Variants in PCNT observed in about 807,000 individuals in gnomAD.
PCNT encodes the protein pericentrin, also known as kendrin.
PCNT carries 319 observed loss-of-function variants against 380.4 expected under a neutral mutation model. The observed-to-expected ratio is 0.84, with a 90% CI of 0.77 to 0.92. The LOEUF (loss-of-function observed/expected upper bound fraction) is 0.92, where lower values mean the gene tolerates loss of function less well. PCNT is among the 40% of genes least tolerant of loss of function. The pLI is 0.00. For missense variants in PCNT, 4,400 were observed against 4,255.3 expected (o/e 1.03, Z -0.95); for synonymous variants, 1,845 against 1,735.2 (o/e 1.06, Z -1.57).
intron 38 of PCNT, among the ~76,000 whole-genome samples, chr21:46,433,622 C>T (rs534040557): frequency 6.6e-6 from 1 of 152,102 alleles, no homozygotes; most frequent in African/African-American, 2.4e-5. Flanking sequence ...CCTGAAACCA[C>T]GCCTGAAGTT....
At chr21:46,383,897 GGC>G (rs2085705789) in intron 16 of PCNT, among the ~76,000 whole-genome samples, 3 of 142,028 alleles carry the variant, frequency 2.1e-5, no homozygotes, top group African/African-American at 7.8e-5. Flanking sequence ...TGCATTCAGT[GGC>G]AGAAGCGCAT....
intron 27 of PCNT, among the ~76,000 whole-genome samples, chr21:46,408,719 GTTT>G (rs34814770): frequency 3.6e-5 from 4 of 110,558 alleles, no homozygotes; most frequent in Non-Finnish European, 7.3e-5. Context: ...CTTTCAGAAA[GTTT>G]TTTTTTTTTT....
chr21:46,379,768 C>T (rs1190485533), intron 15 of PCNT, among the ~76,000 whole-genome samples: 1 of 152,174 alleles, frequency 6.6e-6, no homozygotes, highest in Admixed American at 6.5e-5. Context: ...TTTTCAGCTC[C>T]AGATGTCAAG....
At position 46,416,105 on chromosome 21, in the gene PCNT, A is replaced by C. The variant is rs745521112; in HGVS notation, c.6187A>C (p.Lys2063Gln). 1 of 1,614,120 alleles carries C rather than the reference A, an allele frequency of 6.2e-7. No homozygotes were observed. The highest frequency in any genetic ancestry group is 1.1e-5 in the South Asian group (1 of 91,072). ...EKVLEDCQLP[K>Q]VDLVAQVKQL... The stretch of plus-strand genomic sequence containing the variant: ...AGTACTGGAAGATTGTCAGCTGCCG[A>C]AGGTCGATCTCGTAGCTCAGGTGAA... The change falls in exon 30 of 47, where the codon AAG becomes CAG. Residue 2063 changes from lysine to glutamine, a missense_variant. Transcript: ENST00000359568.
At chr21:46,356,265 G>A (rs1000715914) in intron 12 of PCNT, among the ~76,000 whole-genome samples, 2 of 152,194 alleles carry the variant, frequency 1.3e-5, no homozygotes, top group African/African-American at 4.8e-5. Flanking sequence ...GAGGTGTGTG[G>A]TCTGACTCCA....
At chr21:46,376,368 A>T (rs2085332552) in intron 15 of PCNT, among the ~76,000 whole-genome samples, 1 of 152,218 alleles carries the variant, frequency 6.6e-6, no homozygotes, top group African/African-American at 2.4e-5. Flanking sequence ...CACTGATTTC[A>T]GCCTTGGACT....
intron 31 of PCNT, among the ~76,000 whole-genome samples, chr21:46,420,248 T>C (rs985907212): frequency 7.9e-5 from 12 of 152,328 alleles, no homozygotes; most frequent in African/African-American, 2.9e-4. Context: ...TTTTCTCTCT[T>C]CTTTTTGTAA....
At chr21:46,392,911 A>G (rs916345758) in intron 21 of PCNT, among the ~76,000 whole-genome samples, 2 of 151,506 alleles carry the variant, frequency 1.3e-5, no homozygotes, top group African/African-American at 4.9e-5. Context: ...CTTTTTTAAT[A>G]CTCTGTTTTA....
intron 1 of PCNT, among the ~76,000 whole-genome samples, chr21:46,326,128 A>T (rs2083388000): frequency 6.6e-6 from 1 of 152,234 alleles, no homozygotes; most frequent in South Asian, 2.1e-4. Flanking sequence ...GGGCTAGGAA[A>T]GCTATTCTGC....
intron 31 of PCNT, among the ~76,000 whole-genome samples, chr21:46,419,969 G>C (rs545559672): frequency 6.6e-6 from 1 of 152,358 alleles, no homozygotes; most frequent in South Asian, 2.1e-4. Flanking sequence ...TCTGGTAGGT[G>C]CTTGTTTTTG....
chr21:46,366,287 G>T lies in PCNT; in HGVS notation c.2610-297G>T, dbSNP rs115674777. On this transcript the variant is annotated intron_variant, in intron 14 of 46. Coordinates refer to ENST00000359568, the MANE Select transcript of PCNT (RefSeq NM_006031.6). ...GCCTGCCGTGCGTGGCTCTGGCGGG[G>T]ATGTGTGTGTGCCATCTCTTGCTGA... Among the ~76,000 whole-genome samples, 744 of 152,252 alleles carry T rather than the reference G, an allele frequency of 4.9e-3. 10 individuals carry two copies. Among genetic ancestry groups the T allele is most frequent in the African/African-American group, 0.017 (705 of 41,534 alleles).
At chr21:46,433,673 AT>A (rs938197131) in intron 38 of PCNT, among the ~76,000 whole-genome samples, 17 of 152,316 alleles carry the variant, frequency 1.1e-4, no homozygotes, top group African/African-American at 4.1e-4. Context: ...CTTAAAAAAA[AT>A]AGTAACATGA....
intron 12 of PCNT, among the ~76,000 whole-genome samples, chr21:46,356,306 T>A (rs1295981875): frequency 1.3e-5 from 2 of 152,158 alleles, no homozygotes; most frequent in African/African-American, 4.8e-5. Context: ...GAGAGAAGCC[T>A]GGGCCTGCCT....
At chr21:46,381,940 T>C (rs2085559819) in intron 16 of PCNT, 100 bp downstream of exon 16, 1 of 1,270,028 alleles carries the variant, frequency 7.9e-7, no homozygotes, top group Non-Finnish European at 1.1e-6. Flanking sequence ...AGTGCACTCA[T>C]GGTGTTGTGC....
chr21:46,350,036 A>G (rs900031928), intron 8 of PCNT, among the ~76,000 whole-genome samples: 6 of 152,096 alleles, frequency 3.9e-5, no homozygotes, highest in African/African-American at 1.2e-4. Context: ...AAAATTAGCC[A>G]GGCATGGTGG....
chr21:46,430,462 ACT>A (rs1351670807), intron 36 of PCNT, 43 bp from the exon 37 acceptor site: 2 of 1,548,366 alleles, frequency 1.3e-6, no homozygotes, highest in Non-Finnish European at 8.7e-7. Flanking sequence ...CCGGGAACAC[ACT>A]CTGGCCCACG....
intron 21 of PCNT, among the ~76,000 whole-genome samples, chr21:46,395,288 T>G (rs191127840): frequency 3.3e-5 from 5 of 152,360 alleles, no homozygotes; most frequent in Admixed American, 3.3e-4. Context: ...TTTTAGTTTT[T>G]GGGTGGCTTA....
intron 32 of PCNT, among the ~76,000 whole-genome samples, chr21:46,424,848 G>A (rs892445340): frequency 2.6e-5 from 4 of 151,562 alleles, no homozygotes; most frequent in South Asian, 2.1e-4. Context: ...TGCCACATAC[G>A]TTATGTTTAA....
At position 46,412,874 on chromosome 21, in the gene PCNT, C is replaced by T. The variant is rs145119952; in HGVS notation, c.6032C>T (p.Ala2011Val). 2.0e-4 allele frequency: 324 copies of T among 1,612,646 alleles called. 3 individuals are homozygous for T. In the East Asian group the frequency reaches 7.1e-3, roughly 35 times the overall value. ...CCTGTCCTGGTGACGTTGAAGGATG[C>T]ACCTCTCTGCAAGCAAGAAGGCGTG... ...LQPVLVTLKD[A>V]PLCKQEGVMS... The change falls in exon 29 of 47, where the codon GCA becomes GTA. Residue 2011 changes from alanine (A) to valine (V), a missense_variant. Physicochemically the swap from Ala to Val is moderately conservative, Grantham distance 64 (BLOSUM62 0). Transcript: ENST00000359568.
Sources: allele counts gnomAD v4.1 joint callset (sites outside exome capture counted in the v4.1 genomes callset), GRCh38; gene constraint gnomAD v4.1.1; transcripts MANE v1.5; gene names NCBI Gene and HGNC (gene_info 2026-07-23, HGNC 2026-07-21).